NDST2: variants seen among roughly 807,000 people sequenced by gnomAD.
The protein encoded by NDST2 is N-deacetylase and N-sulfotransferase 2.
NDST2 carries 32 observed loss-of-function variants against 86.9 expected under a neutral mutation model. The observed-to-expected ratio is 0.37, with a 90% CI of 0.28 to 0.49. The LOEUF (loss-of-function observed/expected upper bound fraction) is 0.49. NDST2 is among the 20% of genes least tolerant of loss of function. The probability of loss-of-function intolerance (pLI) is 0.97; values close to 1 mark genes in which losing one functional copy is unlikely to be tolerated. For synonymous variants in NDST2, 409 were observed against 437.0 expected, an observed-to-expected ratio of 0.94 and a Z score of 0.80; for missense variants, 950 against 1,146.9, an observed-to-expected ratio of 0.83 and a Z score of 2.48.
At chr10:73,804,509 C>T (rs1486300642) in intron 9 of NDST2, among the ~76,000 whole-genome samples, 3 of 151,976 alleles carry the variant, frequency 2.0e-5, no homozygotes, top group Admixed American at 1.3e-4. Context: ...GGTGTGGTGG[C>T]ACCTGCCTGT....
At position 73,802,482 on chromosome 10, in the gene NDST2, C is replaced by G; in HGVS notation, c.2621G>C (p.Arg874Pro). ...RLGQPVPSWL[R>P]EELQHSSLG ...CAGACTGGAATGCTGCAGTTCTTCC[C>G]GAAGCCACGAGGGCACTGGCTGTCC... The change falls in exon 15 of 15, where the codon CGG becomes CCG. Residue 874 changes from arginine (R) to proline (P), a missense_variant. Around this residue, in one of 5 missense-constraint regions of NDST2, gnomAD observed 303 missense variants for 323.7 expected, o/e 0.94. Transcript: ENST00000309979. 2 of 1,613,558 alleles carry G rather than the reference C, an allele frequency of 1.2e-6. No homozygotes were observed. Among genetic ancestry groups the G allele is most frequent in the Non-Finnish European group, 1.7e-6 (2 of 1,180,010 alleles).
At position 73,805,611 on chromosome 10, in the gene NDST2, A is replaced by C; in HGVS notation, c.1722T>G (p.Pro574=). The C allele has an allele frequency of 6.2e-7, 1 of 1,614,166 alleles. No individual in the cohort carries two copies. The highest frequency in any genetic ancestry group is 8.5e-7 in the Non-Finnish European group (1 of 1,180,032). Residue 574 remains proline, a synonymous_variant, in exon 8 of 15, where the codon CCT becomes CCG. Transcript: ENST00000309979. The part of the protein sequence containing the change: ...PLAQKYFELF[P]QERSPLWQNP... ...CCTGCCAAAGGGGGCTTCGCTCCTG[A>C]GGGAAAAGTTCAAAGTACTTCTGTG...
intron 1 of NDST2, among the ~76,000 whole-genome samples, chr10:73,811,235 G>A (rs1324127662): frequency 3.3e-5 from 5 of 152,142 alleles, no homozygotes; most frequent in Non-Finnish European, 7.4e-5. Flanking sequence ...CGGCGACTCC[G>A]GGGTGACATC....
At chr10:73,803,519 T>TCCCCTCC in intron 11 of NDST2, 55 bp downstream of exon 11, 1 of 565,898 alleles carries the variant, frequency 1.8e-6, no homozygotes. Context: ...GCAGTCACTG[T>TCCCCTCC]CCCCTCCCCC....
In NDST2 at chr10:73,802,526, C is replaced by T. The variant is rs751350835; in HGVS notation, c.2577G>A (p.Ser859=). 24 of 1,613,916 alleles carry T rather than the reference C, an allele frequency of 1.5e-5. No individual in the cohort carries two copies. The highest frequency in any genetic ancestry group is 1.2e-4 in the South Asian group (11 of 91,076). The change falls in exon 15 of 15, where the codon TCG becomes TCA. Residue 859 remains serine (S), a synonymous_variant. Coordinates refer to ENST00000309979, the MANE Select transcript of NDST2 (RefSeq NM_003635.4). ...GCTGTCCAAGCCGGCTCAGCAGCTT[C>T]GACAACTCCAAATTATGGTTCCGGA... ...DFFRNHNLEL[S]KLLSRLGQPV...
rs150373556 is a variant in NDST2 at position 73,807,797 on chromosome 10, G to A, written c.592C>T (p.Arg198Trp). 195 of 1,614,046 alleles carry A rather than the reference G, an allele frequency of 1.2e-4. 1 individual carries two copies. The highest frequency in any genetic ancestry group is 5.8e-4 in the Admixed American group (35 of 59,998). The change falls in exon 3 of 15, where the codon CGG becomes TGG. Residue 198 changes from arginine (R) to tryptophan (W), a missense_variant. This residue lies in a region of NDST2 where 586 missense variants were observed against 714.0 expected (regional missense o/e 0.82). Coordinates refer to ENST00000309979, the MANE Select transcript of NDST2 (RefSeq NM_003635.4). ...GCAGAAGGATTCACTTGGTAGTCCC[G>A]GAGCCCCAAGTTTGAGTGTAAAAAA... is the stretch of plus-strand genomic sequence containing the variant. The part of the protein sequence containing the change: ...PLFLHSNLGL[R>W]DYQVNPSAPL...
At position 73,802,186 on chromosome 10, in the gene NDST2, C is replaced by T; in HGVS notation, c.*265G>A. 1 of 564,638 alleles carries T rather than the reference C, an allele frequency of 1.8e-6. No individual in the cohort carries two copies. Among genetic ancestry groups the T allele is most frequent in the Non-Finnish European group, 3.2e-6 (1 of 316,342 alleles). 35.0% of individuals were successfully genotyped at this position (564,638 alleles called of 1,614,324 possible). On this transcript the variant is annotated 3_prime_UTR_variant, in exon 15 of 15. Coordinates refer to ENST00000309979, the MANE Select transcript of NDST2 (RefSeq NM_003635.4). ...GACTAATACATTCCCCTACACCCTG[C>T]CTGGACCCTCTCATTCCTCCCCACC...
At chr10:73,802,897 T>C (rs771754617) in intron 13 of NDST2, 75 bp downstream of exon 13, 1 of 1,533,786 alleles carries the variant, frequency 6.5e-7, no homozygotes, top group South Asian at 1.1e-5. Flanking sequence ...AGTAAATCTA[T>C]GTCTCTAACA....
At chr10:73,803,519 T>TGGGGGGGCGGCG in intron 11 of NDST2, 55 bp downstream of exon 11, 2 of 565,896 alleles carry the variant, frequency 3.5e-6, no homozygotes, top group Non-Finnish European at 6.8e-6. Flanking sequence ...GCAGTCACTG[T>TGGGGGGGCGGCG]CCCCTCCCCC....
intron 8 of NDST2, among the ~76,000 whole-genome samples, 195 bp from the exon 9 acceptor site, chr10:73,805,064 G>T (rs2084075729): frequency 6.6e-6 from 1 of 151,850 alleles, no homozygotes; most frequent in Non-Finnish European, 1.5e-5. Context: ...ACCATGTCCG[G>T]CTAATTTTGT....
In NDST2 at chr10:73,808,657, C is replaced by T; in HGVS notation, c.-269G>A. The T allele has an allele frequency of 2.4e-6, 1 of 408,250 alleles. No homozygotes were observed. The highest frequency in any genetic ancestry group is 4.4e-6 in the Non-Finnish European group (1 of 227,718). The allele number at this position is 408,250 out of a possible 1,614,324, so 25.3% of individuals were successfully genotyped here. On this transcript the variant is annotated 5_prime_UTR_variant, in exon 3 of 15. Coordinates refer to ENST00000309979, the MANE Select transcript of NDST2 (RefSeq NM_003635.4). The surrounding 1 kb of genome is among the most constrained non-coding windows in gnomAD (Gnocchi z 4.3). The stretch of plus-strand genomic sequence containing the variant: ...CCATGGCTTCAGGCTGCAAATCTTG[C>T]CAGGCTCTCCCCTTGGCCCTGGCTG...
rs769483929 is a variant in NDST2, at chr10:73,807,438, G to A, written c.951C>T (p.Ile317=). The stretch of plus-strand genomic sequence containing the variant: ...CTTCCTTGCCCACAAAGATGTCATC[G>A]ATGTCTACCAAGATGTAGCGGTCAA... ...LDLDRYILVD[I]DDIFVGKEGT... Residue 317 remains isoleucine (I), a synonymous_variant, in exon 3 of 15, where the codon ATC becomes ATT. Coordinates refer to ENST00000309979, the MANE Select transcript of NDST2 (RefSeq NM_003635.4). 1.5e-5 allele frequency: 24 copies of A among 1,614,030 alleles called. No homozygotes were observed. Among genetic ancestry groups the A allele is most frequent in the South Asian group, 4.4e-5 (4 of 91,068 alleles).
intron 14 of NDST2, 36 bp downstream of exon 14, chr10:73,802,638 G>A (rs1290448551): frequency 6.2e-6 from 10 of 1,614,110 alleles, no homozygotes; most frequent in Non-Finnish European, 7.6e-6. Context: ...GATCCTGGAA[G>A]TGGAGAGGGA....
rs759935279 is a variant in NDST2, at chr10:73,802,730, T to TA, written c.2469dup (p.Lys824Ter). 1.2e-6 allele frequency: 2 copies of TA among 1,614,154 alleles called. No homozygotes were observed. The highest frequency in any genetic ancestry group is 1.1e-5 in the South Asian group (1 of 91,082). ...TTGCTCCGGCCTAGACAGCGAGTCT[T>TA]ACCACCTTCAAGTCCCTGGCACCAA... On this transcript the variant is annotated frameshift_variant, in exon 14 of 15. Coordinates refer to ENST00000309979, the MANE Select transcript of NDST2 (RefSeq NM_003635.4). LOFTEE classifies it high-confidence loss of function.
In NDST2 at chr10:73,806,855, G is replaced by T. The variant is rs2084112966; in HGVS notation, c.1094-44C>A. 2 of 1,600,400 alleles carry T rather than the reference G, an allele frequency of 1.2e-6. No individual in the cohort carries two copies. Among genetic ancestry groups the T allele is most frequent in the East Asian group, 2.2e-5 (1 of 44,512 alleles). On this transcript the variant is annotated intron_variant, in intron 4 of 14. Transcript: ENST00000309979. This position sits in a 1 kb window ranked among gnomAD's most constrained non-coding sequence, Gnocchi z 4.5. ...CACTGACCACAGCCAGTCAGCCCCT[G>T]TTCCCTCCTTTATTTTGTAACAACA... is the stretch of plus-strand genomic sequence containing the variant.
At position 73,802,790 on chromosome 10, in the gene NDST2, A is replaced by G. The variant is rs1228550956; in HGVS notation, c.2424-14T>C. On this transcript the variant is annotated splice_polypyrimidine_tract_variant and intron_variant, in intron 13 of 14. Coordinates refer to ENST00000309979, the MANE Select transcript of NDST2 (RefSeq NM_003635.4). ...TCATCATCAAACCTGCTCAACAGGA[A>G]GAGGCCATGAGGTGGCAGGGAAAAG... is the stretch of plus-strand genomic sequence containing the variant. The G allele has an allele frequency of 1.2e-6, 2 of 1,610,982 alleles. No homozygotes were observed. The highest frequency in any genetic ancestry group is 2.2e-5 in the East Asian group (1 of 44,870).
chr10:73,805,191 G>A (rs374599678), intron 8 of NDST2, among the ~76,000 whole-genome samples: 2 of 151,070 alleles, frequency 1.3e-5, no homozygotes, highest in East Asian at 4.1e-4. Flanking sequence ...ATGAGCCACC[G>A]TGCCCGGCCT....
chr10:73,802,481 C>G lies in NDST2; in HGVS notation c.2622G>C (p.Arg874=). 1 of 1,613,606 alleles carries G rather than the reference C, an allele frequency of 6.2e-7. No individual in the cohort carries two copies. The highest frequency in any genetic ancestry group is 8.5e-7 in the Non-Finnish European group (1 of 1,180,038). Residue 874 remains arginine, a synonymous_variant, in exon 15 of 15, where the codon CGG becomes CGC. Transcript: ENST00000309979. ...RLGQPVPSWL[R]EELQHSSLG ...CCAGACTGGAATGCTGCAGTTCTTC[C>G]CGAAGCCACGAGGGCACTGGCTGTC...
chr10:73,809,503 C>G (rs945813306), intron 2 of NDST2, among the ~76,000 whole-genome samples: 5 of 152,198 alleles, frequency 3.3e-5, no homozygotes, highest in Non-Finnish European at 7.3e-5. Context: ...TCTACTTCTC[C>G]TTCCTAACTT....
Sources: gnomAD v4.1 joint callset for allele counts (sites outside exome capture counted in the v4.1 genomes callset) on GRCh38, gnomAD v4.1.1 for gene constraint, gnomAD v4.1.1 regional missense constraint, Gnocchi (gnomAD v3.1) non-coding constraint, MANE v1.5 for transcripts, NCBI Gene and HGNC (gene_info 2026-07-23, HGNC 2026-07-21) for gene names.